Variants in PIGS observed in about 807,000 individuals in gnomAD.
The protein encoded by PIGS is phosphatidylinositol glycan anchor biosynthesis class S, also known as GPI-anchor transamidase component PIGS.
Under a neutral mutation model 58.2 loss-of-function variants are expected in PIGS, and 37 were observed. That is an observed-to-expected ratio of 0.64 (90% CI 0.49 to 0.84). The LOEUF is 0.84. Among genes scored for constraint, PIGS ranks in the 40% least tolerant of loss-of-function variants. The probability of loss-of-function intolerance (pLI) is 0.00; values close to 1 mark genes in which losing one functional copy is unlikely to be tolerated. For missense variants in PIGS, 629 were observed against 710.8 expected, an observed-to-expected ratio of 0.88 and a Z score of 1.31; for synonymous variants, 269 against 289.2, an observed-to-expected ratio of 0.93 and a Z score of 0.71.
intron 9 of PIGS, chr17:28,556,588 A>T (rs1183438260): frequency 2.8e-6 from 2 of 703,378 alleles, no homozygotes; most frequent in East Asian, 5.1e-5. Flanking sequence ...TCTAAGATGG[A>T]CACAGAATGA....
chr17:28,556,435 T>C (rs1029808948), intron 9 of PIGS, 169 bp from the exon 10 acceptor site: 3 of 710,112 alleles, frequency 4.2e-6, no homozygotes, highest in East Asian at 2.6e-5. Flanking sequence ...ATTAAATACA[T>C]TATCCCAATT....
intron 3 of PIGS, among the ~76,000 whole-genome samples, 161 bp from the exon 4 acceptor site, chr17:28,564,068 T>C (rs1054724339): frequency 6.6e-6 from 1 of 152,230 alleles, no homozygotes; most frequent in African/African-American, 2.4e-5. Context: ...GCATAGATGA[T>C]ATCAAACACA....
At chr17:28,562,514 A>G (rs1294138094) in intron 5 of PIGS, among the ~76,000 whole-genome samples, 1 of 151,932 alleles carries the variant, frequency 6.6e-6, no homozygotes, top group Non-Finnish European at 1.5e-5. Context: ...GCTCATTGCA[A>G]CCTCCACCTC....
rs1339811190 is a variant in PIGS, at chr17:28,561,270, A to T, written c.676+152T>A. 7 of 466,198 alleles carry T rather than the reference A, an allele frequency of 1.5e-5. No homozygotes were observed. In the East Asian group the frequency reaches 3.6e-4, roughly 24 times the overall value. The allele number at this position is 466,198 out of a possible 1,614,324, so 28.9% of individuals were successfully genotyped here. ...AGACTCCGTCTCAAAATAAATAACT[A>T]AAAAAAATAATAATAATAATAATAA... is the stretch of plus-strand genomic sequence containing the variant. On this transcript the variant is annotated intron_variant, in intron 6 of 11. Coordinates refer to ENST00000308360, the MANE Select transcript of PIGS (RefSeq NM_033198.4).
chr17:28,560,235 AAAG>A lies in PIGS; in HGVS notation c.677-47_677-45del, dbSNP rs1398733325. On this transcript the variant is annotated intron_variant, in intron 6 of 11. Coordinates refer to ENST00000308360, the MANE Select transcript of PIGS (RefSeq NM_033198.4). ...GGGAAGTCAGAGGCTCTTGTGGATC[AAAG>A]AAGAGGGGCAGCCTGTACTCCCAGC... 8.8e-6 allele frequency: 14 copies of A among 1,586,924 alleles called. No individual in the cohort carries two copies. The African/African-American group carries it at 1.8e-4, about 20-fold the overall frequency.
At position 28,554,638 on chromosome 17, in the gene PIGS, A is replaced by G; in HGVS notation, c.1393-143T>C. On this transcript the variant is annotated intron_variant, in intron 11 of 11. Coordinates refer to ENST00000308360, the MANE Select transcript of PIGS (RefSeq NM_033198.4). ...TCTATGGAAGTCTTTCTACAGGGAT[A>G]TGGTTTATTTTCCTAGGGTCAGCTT... The G allele has an allele frequency of 3.2e-6, 4 of 1,256,386 alleles. No individual in the cohort carries two copies. In the South Asian group the frequency reaches 5.5e-5, roughly 17 times the overall value. 77.8% of individuals were successfully genotyped at this position (1,256,386 alleles called of 1,614,324 possible).
chr17:28,570,330 G>A (rs1477333044), intron 3 of PIGS, among the ~76,000 whole-genome samples: 2 of 152,202 alleles, frequency 1.3e-5, no homozygotes, highest in Non-Finnish European at 2.9e-5. Context: ...GGCCAACATG[G>A]CATAACCCCG....
At chr17:28,570,743 C>T (rs187703409) in intron 3 of PIGS, 109 bp downstream of exon 3, 415 of 1,035,220 alleles carry the variant, frequency 4.0e-4, no homozygotes, top group Non-Finnish European at 5.6e-4. Context: ...AGAGGTCTTT[C>T]AACAGTAAGT....
At chr17:28,569,819 T>C (rs1422881705) in intron 3 of PIGS, among the ~76,000 whole-genome samples, 1 of 152,218 alleles carries the variant, frequency 6.6e-6, no homozygotes, top group Non-Finnish European at 1.5e-5. Context: ...ATGGGGATCA[T>C]ATCATTAGAA....
At chr17:28,564,686 G>A (rs1175433861) in intron 3 of PIGS, among the ~76,000 whole-genome samples, 1 of 150,608 alleles carries the variant, frequency 6.6e-6, no homozygotes, top group East Asian at 1.9e-4. Context: ...TTGCACTCCA[G>A]CCTGGGCAAC....
chr17:28,563,314 T>G lies in PIGS; in HGVS notation c.468+117A>C, dbSNP rs1268101367. ...TCTCAAAAAAAAAAAAATTTTTTTT[T>G]GGAGAGTTTTCTGTAGCAAATGGAA... On this transcript the variant is annotated intron_variant, in intron 5 of 11. Coordinates refer to ENST00000308360, the MANE Select transcript of PIGS (RefSeq NM_033198.4). 1.1e-5 allele frequency: 10 copies of G among 938,654 alleles called. No homozygotes were observed. The South Asian group carries it at 1.5e-4, about 14-fold the overall frequency. The allele number at this position is 938,654 out of a possible 1,614,324, so 58.1% of individuals were successfully genotyped here.
Position 28,554,219 on chromosome 17 carries a change from C to CA in PIGS, c.1668_*1insT. ...GGCTTCCTATGGAGGTGCTGCCCTG[C>CA]TCAGTCTGTCTTCTCAGGCTTTCTC... is the stretch of plus-strand genomic sequence containing the variant. On this transcript the variant is annotated 3_prime_UTR_variant, in exon 12 of 12. Transcript: ENST00000308360. The CA allele has an allele frequency of 6.2e-7, 1 of 1,613,936 alleles. No individual in the cohort carries two copies. Among genetic ancestry groups the CA allele is most frequent in the East Asian group, 2.2e-5 (1 of 44,888 alleles).
chr17:28,561,275 A>AATAAT (rs1567615928), intron 6 of PIGS, 147 bp downstream of exon 6: 5 of 491,280 alleles, frequency 1.0e-5, no homozygotes, highest in African/African-American at 2.0e-5. Context: ...TAACTAAAAA[A>AATAAT]AATAATAATA....
intron 5 of PIGS, among the ~76,000 whole-genome samples, chr17:28,562,400 T>C (rs192141613): frequency 6.6e-6 from 1 of 152,222 alleles, no homozygotes; most frequent in Admixed American, 6.5e-5. Context: ...TCATTAACAT[T>C]TTCTTTAGTG....
chr17:28,568,482 T>G (rs2070406512), intron 3 of PIGS, among the ~76,000 whole-genome samples: 1 of 152,224 alleles, frequency 6.6e-6, no homozygotes, highest in African/African-American at 2.4e-5. Flanking sequence ...CTGACATAGC[T>G]ACAAAGTAAA....
At chr17:28,567,331 T>C (rs1341961293) in intron 3 of PIGS, among the ~76,000 whole-genome samples, 2 of 152,172 alleles carry the variant, frequency 1.3e-5, no homozygotes, top group African/African-American at 4.8e-5. Context: ...ATAAGGAATA[T>C]GGATGCTAGA....
At chr17:28,561,664 C>T in intron 5 of PIGS, 35 bp from the exon 6 acceptor site, 1 of 1,577,028 alleles carries the variant, frequency 6.3e-7, no homozygotes, top group Non-Finnish European at 8.6e-7. Context: ...ATGCCCATGG[C>T]TCAGAAAAGA....
chr17:28,554,106 G>A lies in PIGS; in HGVS notation c.*114C>T. 7.3e-7 allele frequency: 1 copy of A among 1,374,668 alleles called. No individual in the cohort carries two copies. The highest frequency in any genetic ancestry group is 1.0e-6 in the Non-Finnish European group (1 of 1,003,080). 85.2% of individuals were successfully genotyped at this position (1,374,668 alleles called of 1,614,324 possible). On this transcript the variant is annotated 3_prime_UTR_variant, in exon 12 of 12. Transcript: ENST00000308360. ...TTTGGTTGCTGGAGAGCCAACAGTG[G>A]AGACTGGAGACAAATATTTAAGTCA...
intron 3 of PIGS, among the ~76,000 whole-genome samples, chr17:28,564,855 G>A (rs1229919525): frequency 1.3e-5 from 2 of 151,976 alleles, no homozygotes; most frequent in Non-Finnish European, 1.5e-5. Context: ...CTCCAGCCAG[G>A]GTAATAGAAC....
Sources: allele counts gnomAD v4.1 joint callset (sites outside exome capture counted in the v4.1 genomes callset), GRCh38; gene constraint gnomAD v4.1.1; transcripts MANE v1.5; gene names NCBI Gene and HGNC (gene_info 2026-07-23, HGNC 2026-07-21).